Variants in GLCCI1 observed in about 807,000 individuals in gnomAD.
GLCCI1 encodes the protein glucocorticoid induced 1.
Under a neutral mutation model 52.2 loss-of-function variants are expected in GLCCI1, and 24 were observed. That is an observed-to-expected ratio of 0.46 (90% CI 0.33 to 0.65). The LOEUF is 0.65. Ranked by LOEUF, GLCCI1 falls within the 30% of genes least tolerant of loss-of-function variation. The pLI, the probability that GLCCI1 is intolerant of heterozygous loss-of-function variation, is 0.02. For synonymous variants in GLCCI1, 310 were observed against 276.5 expected, an observed-to-expected ratio of 1.12 and a Z score of -1.20; for missense variants, 704 against 701.5, an observed-to-expected ratio of 1.00 and a Z score of -0.04.
intron 3 of GLCCI1, among the ~76,000 whole-genome samples, chr7:8,022,875 A>T (rs921733097): frequency 7.9e-4 from 121 of 152,292 alleles, no homozygotes; most frequent in African/African-American, 2.7e-3. Flanking sequence ...TTCCAGAGTG[A>T]AGTCTAATTT....
intron 3 of GLCCI1, among the ~76,000 whole-genome samples, chr7:8,044,279 T>G (rs1254508145): frequency 1.3e-5 from 2 of 152,070 alleles, no homozygotes; most frequent in Non-Finnish European, 2.9e-5. Context: ...TACACACCAC[T>G]AAAGTTCAGT....
chr7:8,012,969 A>G (rs1029133605), intron 2 of GLCCI1, among the ~76,000 whole-genome samples: 4 of 152,116 alleles, frequency 2.6e-5, no homozygotes, highest in African/African-American at 9.7e-5. Flanking sequence ...TAAGAGTCCA[A>G]CTTCGTTCTT....
intron 3 of GLCCI1, among the ~76,000 whole-genome samples, chr7:8,043,006 A>C (rs1431486161): frequency 6.6e-6 from 1 of 152,248 alleles, no homozygotes; most frequent in Non-Finnish European, 1.5e-5. Flanking sequence ...CTCTGCCTTC[A>C]GCAACCGCCA....
intron 3 of GLCCI1, among the ~76,000 whole-genome samples, chr7:8,053,106 C>T (rs1342440774): frequency 6.6e-6 from 1 of 151,650 alleles, no homozygotes; most frequent in East Asian, 1.9e-4. Context: ...GATGATGTTA[C>T]TAAGTTTTCA....
rs77802659 is a variant in GLCCI1, at chr7:8,006,445, A to G, written c.609+2386A>G. On this transcript the variant is annotated intron_variant, in intron 2 of 7. Coordinates refer to ENST00000223145, the MANE Select transcript of GLCCI1 (RefSeq NM_138426.4). ...CACATGTCTGATTTTTTATCTGTGC[A>G]GTGGGGTTAATAAAACCTAACCCAT... 9.4e-3 allele frequency among the ~76,000 whole-genome samples: 1,432 copies of G among 152,322 alleles called. 25 individuals carry two copies. Among genetic ancestry groups the G allele is most frequent in the African/African-American group, 0.031 (1,302 of 41,562 alleles).
At chr7:8,069,512 T>A (rs570399804) in intron 5 of GLCCI1, among the ~76,000 whole-genome samples, 1 of 151,896 alleles carries the variant, frequency 6.6e-6, no homozygotes, top group African/African-American at 2.4e-5. Context: ...AGCCAGGGGG[T>A]GGGGCAGCTG....
In GLCCI1 at chr7:8,003,987, T is replaced by A. The variant is rs142088937; in HGVS notation, c.537T>A (p.Pro179=). The A allele has an allele frequency of 6.2e-7, 1 of 1,613,854 alleles. No homozygotes were observed. Among genetic ancestry groups the A allele is most frequent in the Non-Finnish European group, 8.5e-7 (1 of 1,179,810 alleles). ...RTSSLDTITG[P]YLTGQWPRDP... The stretch of plus-strand genomic sequence containing the variant: ...CCTCTTTGGATACAATAACAGGACC[T>A]TACCTCACAGGACAGTGGCCACGGG... Residue 179 remains proline, a synonymous_variant, in exon 2 of 8, where the codon CCT becomes CCA. Transcript: ENST00000223145.
At chr7:8,030,339 C>T (rs1197585576) in intron 3 of GLCCI1, among the ~76,000 whole-genome samples, 1 of 152,058 alleles carries the variant, frequency 6.6e-6, no homozygotes, top group African/African-American at 2.4e-5. Flanking sequence ...TATGCCTATG[C>T]AGAGAAAGAA....
At chr7:8,026,464 C>G (rs892841618) in intron 3 of GLCCI1, among the ~76,000 whole-genome samples, 1 of 152,192 alleles carries the variant, frequency 6.6e-6, no homozygotes, top group African/African-American at 2.4e-5. Context: ...CACAAGAACC[C>G]AAAATCAAGT....
At chr7:8,017,896 A>T (rs1312560841) in intron 2 of GLCCI1, among the ~76,000 whole-genome samples, 1 of 152,196 alleles carries the variant, frequency 6.6e-6, no homozygotes, top group Non-Finnish European at 1.5e-5. Context: ...CTTCATCAGG[A>T]TAGACTTTTC....
At chr7:7,999,330 G>C (rs1562422165) in intron 1 of GLCCI1, among the ~76,000 whole-genome samples, 1 of 152,170 alleles carries the variant, frequency 6.6e-6, no homozygotes. Flanking sequence ...AAAATGGGCT[G>C]AGTATTGTGA....
chr7:8,041,102 G>GAAGGAAATAA (rs1781989047), intron 3 of GLCCI1, among the ~76,000 whole-genome samples: 1 of 152,172 alleles, frequency 6.6e-6, no homozygotes, highest in African/African-American at 2.4e-5. Flanking sequence ...GAAAGGTCTT[G>GAAGGAAATAA]AAGGAAATAA....
chr7:8,086,791 T>C lies in GLCCI1; in HGVS notation c.*253T>C, dbSNP rs1783116141. 1 of 468,426 alleles carries C rather than the reference T, an allele frequency of 2.1e-6. No homozygotes were observed. The highest frequency in any genetic ancestry group is 3.7e-5 in the East Asian group (1 of 27,170). 29.0% of individuals were successfully genotyped at this position (468,426 alleles called of 1,614,324 possible). A position where few individuals can be genotyped will look rare whatever the true frequency, so the allele number is the denominator to read the frequency against. ...GAGACTATGCATTTCATAGTATATT[T>C]GACAGATTAGTACTGTGTCCTGTGT... On this transcript the variant is annotated 3_prime_UTR_variant, in exon 8 of 8. Transcript: ENST00000223145. This position sits in a 1 kb window ranked among gnomAD's most constrained non-coding sequence, Gnocchi z 4.4.
chr7:8,085,113 C>T (rs1301825785), intron 7 of GLCCI1, 96 bp downstream of exon 7: 6 of 1,382,596 alleles, frequency 4.3e-6, no homozygotes, highest in Non-Finnish European at 6.0e-6. Flanking sequence ...CTCTATCCAG[C>T]TGATAATGTG....
intron 1 of GLCCI1, among the ~76,000 whole-genome samples, chr7:7,988,844 A>G (rs540144945): frequency 6.6e-5 from 10 of 152,218 alleles, no homozygotes; most frequent in Non-Finnish European, 1.5e-4. Context: ...CTAGGCTGTA[A>G]TTTCTGGCCC....
At chr7:8,066,880 G>A (rs1333083893) in intron 5 of GLCCI1, among the ~76,000 whole-genome samples, 1 of 152,086 alleles carries the variant, frequency 6.6e-6, no homozygotes, top group Admixed American at 6.5e-5. Flanking sequence ...GAAGAGTTCT[G>A]TAGATGTCTA....
chr7:8,027,088 A>C (rs1781638500), intron 3 of GLCCI1, among the ~76,000 whole-genome samples: 1 of 152,248 alleles, frequency 6.6e-6, no homozygotes, highest in African/African-American at 2.4e-5. Context: ...ACACTGAGGA[A>C]CATCTACGAT....
chr7:7,978,515 T>C (rs931115989), intron 1 of GLCCI1, among the ~76,000 whole-genome samples: 7 of 152,312 alleles, frequency 4.6e-5, no homozygotes, highest in Admixed American at 2.0e-4. Flanking sequence ...AATAATTTCT[T>C]CTGGGGTGTT....
chr7:8,017,492 ATCT>A (rs1781403987), intron 2 of GLCCI1, among the ~76,000 whole-genome samples: 1 of 152,166 alleles, frequency 6.6e-6, no homozygotes, highest in Admixed American at 6.5e-5. Flanking sequence ...TCTGGGCCTT[ATCT>A]AAGAGTTCCA....
Sources: allele counts gnomAD v4.1 joint callset (sites outside exome capture counted in the v4.1 genomes callset), GRCh38; gene constraint gnomAD v4.1.1; non-coding constraint Gnocchi (gnomAD v3.1); transcripts MANE v1.5; gene names NCBI Gene and HGNC (gene_info 2026-07-23, HGNC 2026-07-21).